BRD2: variants seen among roughly 807,000 people sequenced by gnomAD.
BRD2 encodes the protein bromodomain-containing protein 2.
In BRD2, 15 loss-of-function variants were observed where a neutral mutation model predicts 79.1. The ratio of observed to expected loss-of-function variants is 0.19; its 90% CI spans 0.13 to 0.29. The LOEUF (loss-of-function observed/expected upper bound fraction) is 0.29, where lower values mean the gene tolerates loss of function less well. Among genes scored for constraint, BRD2 ranks in the 10% least tolerant of loss-of-function variants. The pLI is 1.00. For synonymous variants in BRD2, 488 were observed against 358.6 expected (o/e 1.36, Z -4.08); for missense variants, 1,053 against 991.3 (o/e 1.06, Z -0.84).
Position 32,980,873 on chromosome 6 carries a change from C to G in BRD2, c.*155C>G. The G allele has an allele frequency of 1.2e-6, 1 of 863,740 alleles. No individual in the cohort carries two copies. The highest frequency in any genetic ancestry group is 2.6e-5 in the East Asian group (1 of 37,736). 53.5% of individuals were successfully genotyped at this position (863,740 alleles called of 1,614,324 possible). ...CTGGCTCTGCAGTGGGGGAGGGATGCAGGGACATTTACTGAAGGAGGGACA... is the reference window on the plus strand; with the variant it reads ...CTGGCTCTGCAGTGGGGGAGGGATGGAGGGACATTTACTGAAGGAGGGACA... On this transcript the variant is annotated 3_prime_UTR_variant, in exon 13 of 13. Coordinates refer to ENST00000374825, the MANE Select transcript of BRD2 (RefSeq NM_005104.4).
chr6:32,975,312 G>C (rs1778590274), intron 3 of BRD2, 72 bp from the exon 4 acceptor site: 2 of 1,256,812 alleles, frequency 1.6e-6, no homozygotes, highest in Non-Finnish European at 2.2e-6. Context: ...GTGTGTGTGA[G>C]AGTCGGGGAT....
chr6:32,969,167 AT>A, intron 1 of BRD2, 111 bp downstream of exon 1: 2 of 520,152 alleles, frequency 3.8e-6, no homozygotes, highest in Middle Eastern at 5.3e-4. Context: ...GAGTGGGAAG[AT>A]TTGTCCTTCA....
At chr6:32,973,895 C>T (rs1405338787) in intron 2 of BRD2, among the ~76,000 whole-genome samples, 3 of 152,046 alleles carry the variant, frequency 2.0e-5, no homozygotes, top group African/African-American at 7.3e-5. Flanking sequence ...GGTTCTTCCT[C>T]TGGGTTTCTA....
In BRD2 at chr6:32,969,604, C is replaced by G. The variant is rs73409610; in HGVS notation, c.-1305+548C>G. On this transcript the variant is annotated intron_variant, in intron 1 of 12. Coordinates refer to ENST00000374825, the MANE Select transcript of BRD2 (RefSeq NM_005104.4). ...GCAGGCTGGAGGTTACGCTTCGAGT[C>G]GCTTACCGAATTTGTGTGCATTCAC... Among the ~76,000 whole-genome samples, 1,019 of 152,294 alleles carry G rather than the reference C, an allele frequency of 6.7e-3. 8 individuals are homozygous for G. Among genetic ancestry groups the G allele is most frequent in the African/African-American group, 0.023 (937 of 41,530 alleles).
rs1274772829 is a variant in BRD2 at position 32,978,272 on chromosome 6, G to T, written c.1725G>T (p.Gly575=). ...CTGGGGCCGATGAAGATGACAAGGG[G>T]CCTAGGGCACCCCGCCCACCTCAAC... ...GRAGADEDDK[G]PRAPRPPQPK... The change falls in exon 10 of 13, where the codon GGG becomes GGT. Residue 575 remains glycine, a synonymous_variant. Transcript: ENST00000374825. 8.1e-6 allele frequency: 13 copies of T among 1,613,062 alleles called. No individual in the cohort carries two copies. The highest frequency in any genetic ancestry group is 1.1e-5 in the Non-Finnish European group (13 of 1,180,018).
In BRD2 at chr6:32,972,584, A is replaced by C; in HGVS notation, c.-315A>C. ...AATCCCTGCAGACCAACAGCGGGCT[A>C]TATTGACGACGGTGTCTGAGATCGG... is the stretch of plus-strand genomic sequence containing the variant. On this transcript the variant is annotated 5_prime_UTR_variant, in exon 2 of 13. Coordinates refer to ENST00000374825, the MANE Select transcript of BRD2 (RefSeq NM_005104.4). 1.4e-5 allele frequency: 7 copies of C among 510,856 alleles called. No homozygotes were observed. The highest frequency in any genetic ancestry group is 2.3e-5 in the South Asian group (1 of 43,282). The allele number at this position is 510,856 out of a possible 1,614,324, so 31.6% of individuals were successfully genotyped here. A position where few individuals can be genotyped will look rare whatever the true frequency, so the allele number is the denominator to read the frequency against.
At chr6:32,971,327 TAGAA>T (rs947294475) in intron 1 of BRD2, 18 of 351,480 alleles carry the variant, frequency 5.1e-5, no homozygotes, top group South Asian at 2.7e-4. Context: ...GGGGAGGGAT[TAGAA>T]AGGTGCTTGG....
Position 32,981,304 on chromosome 6 carries a change from T to C in BRD2, c.*586T>C, listed in dbSNP as rs1317697715. ...TCTAACTTGTAAATAAAGAAAATAT[T>C]ATTCAAGTTTTGAGTTACCTTAATA... On this transcript the variant is annotated 3_prime_UTR_variant, in exon 13 of 13. Coordinates refer to ENST00000374825, the MANE Select transcript of BRD2 (RefSeq NM_005104.4). 2 of 152,252 alleles carry C rather than the reference T, an allele frequency of 1.3e-5. No homozygotes were observed. Among genetic ancestry groups the C allele is most frequent in the Non-Finnish European group, 2.9e-5 (2 of 68,102 alleles). The allele number at this position is 152,252 out of a possible 1,614,324, so 9.4% of individuals were successfully genotyped here.
chr6:32,972,037 CG>C lies in BRD2; in HGVS notation c.-860del. The C allele has an allele frequency of 1.4e-6, 1 of 701,740 alleles. No homozygotes were observed. The allele number at this position is 701,740 out of a possible 1,614,324, so 43.5% of individuals were successfully genotyped here. On this transcript the variant is annotated 5_prime_UTR_variant, in exon 2 of 13. It introduces an in-frame stop codon into an upstream open reading frame of the 5' UTR. Transcript: ENST00000374825. ...GGCTGGCCAATAGAAAAAGCTCCCG[CG>C]GAGAGGTGTTCCTTCCCCTTCGACT...
Position 32,972,617 on chromosome 6 carries a change from CT to C in BRD2, c.-278del. On this transcript the variant is annotated 5_prime_UTR_variant, in exon 2 of 13. Coordinates refer to ENST00000374825, the MANE Select transcript of BRD2 (RefSeq NM_005104.4). The stretch of plus-strand genomic sequence containing the variant: ...GACGGTGTCTGAGATCGGGGACCGT[CT>C]TTTGAAGAGTCAGTCCCTCCTTAGT... The C allele has an allele frequency of 1.7e-6, 1 of 576,752 alleles. No individual in the cohort carries two copies. The highest frequency in any genetic ancestry group is 3.1e-6 in the Non-Finnish European group (1 of 323,726). 35.7% of individuals were successfully genotyped at this position (576,752 alleles called of 1,614,324 possible). A position where few individuals can be genotyped will look rare whatever the true frequency, so the allele number is the denominator to read the frequency against.
intron 10 of BRD2, chr6:32,978,667 T>C (rs72865893): frequency 0.049 from 26,704 of 550,242 alleles, 769 homozygotes; most frequent in African/African-American, 0.085. Flanking sequence ...ATATGTACCA[T>C]GCGCACTTCA....
At chr6:32,980,526 A>G (rs1779388879) in intron 12 of BRD2, 56 bp from the exon 13 acceptor site, 9 of 1,612,402 alleles carry the variant, frequency 5.6e-6, no homozygotes, top group Non-Finnish European at 7.6e-6. Context: ...ACTGTCTTTT[A>G]TTGACAAATG....
chr6:32,976,153 G>A lies in BRD2; in HGVS notation c.594G>A (p.Lys198=). Residue 198 remains lysine (K), a synonymous_variant, in exon 5 of 13, where the codon AAG becomes AAA. Coordinates refer to ENST00000374825, the MANE Select transcript of BRD2 (RefSeq NM_005104.4). The stretch of plus-strand genomic sequence containing the variant: ...CCATCCCTAAGAACAGCCACAAGAA[G>A]GGGGCCAAGTTGGCAGGTAGGAAGA... The part of the protein sequence containing the change: ...VVTIPKNSHK[K]GAKLAALQGS... 1 of 1,612,530 alleles carries A rather than the reference G, an allele frequency of 6.2e-7. No homozygotes were observed. The highest frequency in any genetic ancestry group is 8.5e-7 in the Non-Finnish European group (1 of 1,179,872).
chr6:32,973,158 C>T (rs1430306684), intron 2 of BRD2: 3 of 1,545,768 alleles, frequency 1.9e-6, no homozygotes, highest in Non-Finnish European at 1.7e-6. Context: ...ATTAATGCCG[C>T]CGTGGCCCAG....
In BRD2 at chr6:32,977,786, G is replaced by A. The variant is rs1391984065; in HGVS notation, c.1359G>A (p.Met453Ile). 1.2e-6 allele frequency: 2 copies of A among 1,613,088 alleles called. No individual in the cohort carries two copies. Among genetic ancestry groups the A allele is most frequent in the Non-Finnish European group, 1.7e-6 (2 of 1,180,040 alleles). Residue 453 changes from methionine to isoleucine, a missense_variant, in exon 9 of 13, where the codon ATG becomes ATA. Physicochemically the swap from Met to Ile is conservative, Grantham distance 10. Coordinates refer to ENST00000374825, the MANE Select transcript of BRD2 (RefSeq NM_005104.4). Reference protein sequence around the residue: ...QDVFEFRYAKMPDEPLEPGPL... With the variant: ...QDVFEFRYAKIPDEPLEPGPL... ...TATTTGAGTTCCGTTATGCCAAGAT[G>A]CCAGATGAACCACTAGAACCAGGGC...
intron 1 of BRD2, 183 bp downstream of exon 1, chr6:32,969,239 G>A (rs535520248): frequency 1.6e-5 from 8 of 498,526 alleles, no homozygotes; most frequent in African/African-American, 1.4e-4. Context: ...CATGGGGGGG[G>A]AGGGGAATGG....
chr6:32,975,210 A>G (rs1328857934), intron 3 of BRD2, 174 bp from the exon 4 acceptor site: 16 of 1,075,254 alleles, frequency 1.5e-5, no homozygotes, highest in Non-Finnish European at 2.1e-5. Context: ...AATCTTTTTT[A>G]TTTATTTATT....
Position 32,977,974 on chromosome 6 carries a change from G to A in BRD2, c.1547G>A (p.Arg516Lys). 1 of 1,611,400 alleles carries A rather than the reference G, an allele frequency of 6.2e-7. No homozygotes were observed. Among genetic ancestry groups the A allele is most frequent in the Non-Finnish European group, 8.5e-7 (1 of 1,180,022 alleles). ...ESESSDSEEE[R>K]AHRLAELQEQ... ...GAAAGCTCAGACTCAGAGGAAGAAAGGGCTCATCGCTTAGCAGAACTACAG... is the reference window on the plus strand; with the variant it reads ...GAAAGCTCAGACTCAGAGGAAGAAAAGGCTCATCGCTTAGCAGAACTACAG... Residue 516 changes from arginine (R) to lysine (K), a missense_variant, in exon 9 of 13, where the codon AGG (arginine) becomes AAG (lysine). Around this residue, in one of 5 missense-constraint regions of BRD2, gnomAD observed 454 missense variants for 430.5 expected, o/e 1.05. Transcript: ENST00000374825.
chr6:32,972,946 C>T lies in BRD2; in HGVS notation c.29+19C>T. 2 of 1,613,974 alleles carry T rather than the reference C, an allele frequency of 1.2e-6. No homozygotes were observed. Among genetic ancestry groups the T allele is most frequent in the Middle Eastern group, 1.6e-4 (1 of 6,062 alleles). On this transcript the variant is annotated intron_variant, in intron 2 of 12. Coordinates refer to ENST00000374825, the MANE Select transcript of BRD2 (RefSeq NM_005104.4). Reference sequence around the variant, plus strand: ...ACAATAAGTACGTTTCCGCGAGCCGCGTGTGGGAAGGGGATGTTGCAGGGC... The same window carrying T: ...ACAATAAGTACGTTTCCGCGAGCCGTGTGTGGGAAGGGGATGTTGCAGGGC...
Sources: allele counts gnomAD v4.1 joint callset (sites outside exome capture counted in the v4.1 genomes callset), GRCh38; gene constraint gnomAD v4.1.1; regional missense constraint gnomAD v4.1.1; transcripts MANE v1.5; gene names NCBI Gene and HGNC (gene_info 2026-07-23, HGNC 2026-07-21).